Variants in PRIM2 observed in about 807,000 individuals in gnomAD.
PRIM2 encodes DNA primase large subunit.
A neutral mutation model predicts 67.3 loss-of-function variants in PRIM2; 39 were observed. That is an observed-to-expected ratio of 0.58 (90% CI 0.45 to 0.76). The LOEUF is 0.76. Among genes scored for constraint, PRIM2 ranks in the 30% least tolerant of loss-of-function variants. PRIM2 has a pLI of 0.00. For synonymous variants in PRIM2, 143 were observed against 198.7 expected (o/e 0.72, Z 2.36); for missense variants, 398 against 598.7 (o/e 0.66, Z 3.50).
At chr6:57,563,861 A>G (rs1168463910) in intron 10 of PRIM2, among the ~76,000 whole-genome samples, 1 of 152,176 alleles carries the variant, frequency 6.6e-6, no homozygotes, top group Non-Finnish European at 1.5e-5. Context: ...GGGTTTTGCC[A>G]TATTGGTCAA....
At chr6:57,411,996 T>C (rs568586775) in intron 7 of PRIM2, among the ~76,000 whole-genome samples, 2 of 151,454 alleles carry the variant, frequency 1.3e-5, no homozygotes, top group Non-Finnish European at 3.0e-5. Context: ...TATAAGCTGG[T>C]TTAATATTTT....
At chr6:57,636,783 C>T (rs1372804296) in intron 13 of PRIM2, among the ~76,000 whole-genome samples, 29 of 152,314 alleles carry the variant, frequency 1.9e-4, no homozygotes, top group African/African-American at 7.0e-4. Flanking sequence ...ATAAAATCCC[C>T]ATCTCCCTGG....
chr6:57,579,071 A>G (rs1776026273), intron 10 of PRIM2, among the ~76,000 whole-genome samples: 1 of 151,570 alleles, frequency 6.6e-6, no homozygotes, highest in Non-Finnish European at 1.5e-5. Context: ...AATCAACCAC[A>G]TCTCCAAAAA....
the PRIM2 span, among the ~76,000 whole-genome samples, chr6:57,284,972 C>G: frequency 6.6e-6 from 1 of 152,072 alleles, no homozygotes; most frequent in East Asian, 1.9e-4. Flanking sequence ...ATACAAACTA[C>G]CATCAGAGAA....
intron 3 of PRIM2, among the ~76,000 whole-genome samples, chr6:57,321,800 TTATCATCC>T (rs1174904632): frequency 8.5e-5 from 13 of 152,346 alleles, no homozygotes; most frequent in African/African-American, 3.1e-4. Flanking sequence ...GTGGGTATTA[TTATCATCC>T]CTATTTTACA....
chr6:57,308,629 T>C, the PRIM2 span, among the ~76,000 whole-genome samples: 1 of 152,244 alleles, frequency 6.6e-6, no homozygotes, highest in Non-Finnish European at 1.5e-5. Flanking sequence ...GTTGTATCAA[T>C]TAACAGTTTT....
At chr6:57,603,991 A>G (rs1163549243) in intron 11 of PRIM2, among the ~76,000 whole-genome samples, 1 of 152,074 alleles carries the variant, frequency 6.6e-6, no homozygotes, top group Non-Finnish European at 1.5e-5. Flanking sequence ...CAGCTTGAAC[A>G]TTGTTGGTAT....
At chr6:57,307,517 C>T in the PRIM2 span, among the ~76,000 whole-genome samples, 5 of 151,920 alleles carry the variant, frequency 3.3e-5, no homozygotes, top group African/African-American at 9.7e-5. Flanking sequence ...GGATTACAGG[C>T]GTGAGCCACT....
At chr6:57,335,393 T>G (rs1447724352) in intron 5 of PRIM2, among the ~76,000 whole-genome samples, 1 of 152,216 alleles carries the variant, frequency 6.6e-6, no homozygotes. Flanking sequence ...CTCTGTAGGC[T>G]CCACCTCTGG....
intron 7 of PRIM2, among the ~76,000 whole-genome samples, chr6:57,419,277 C>A (rs1771382931): frequency 6.6e-6 from 1 of 151,976 alleles, no homozygotes; most frequent in Admixed American, 6.6e-5. Context: ...GGTGGTTAGA[C>A]TACGGGGAGT....
chr6:57,555,610 T>C (rs1775499764), intron 10 of PRIM2, among the ~76,000 whole-genome samples: 2 of 152,176 alleles, frequency 1.3e-5, no homozygotes, highest in African/African-American at 4.8e-5. Flanking sequence ...ATTTAAGCTT[T>C]AGAAATTCAC....
the PRIM2 span, among the ~76,000 whole-genome samples, chr6:57,225,598 ATTGT>A: frequency 1.3e-5 from 2 of 152,248 alleles, no homozygotes; most frequent in Non-Finnish European, 2.9e-5. Flanking sequence ...TCATTAAATG[ATTGT>A]TTGAATCTAG....
chr6:57,241,619 T>C, the PRIM2 span, among the ~76,000 whole-genome samples: 1 of 150,718 alleles, frequency 6.6e-6, no homozygotes. Flanking sequence ...GAAACAAGAA[T>C]TGGGGGGATG....
chr6:57,472,894 A>G (rs2127402347), intron 7 of PRIM2, among the ~76,000 whole-genome samples: 1 of 152,206 alleles, frequency 6.6e-6, no homozygotes, highest in South Asian at 2.1e-4. Context: ...TTCCTTTCCA[A>G]CCTCTTGGGG....
At chr6:57,497,532 A>T (rs1562776799) in intron 7 of PRIM2, 1 of 152,130 alleles carries the variant, frequency 6.6e-6, no homozygotes. Flanking sequence ...TCTTCATATC[A>T]TCCAGACCCC....
chr6:57,236,623 T>A, the PRIM2 span, among the ~76,000 whole-genome samples: 7 of 151,926 alleles, frequency 4.6e-5, no homozygotes, highest in African/African-American at 1.7e-4. Context: ...TGTCCAGGTG[T>A]TCTCATTGTT....
chr6:57,441,269 AT>A lies in PRIM2; in HGVS notation c.693+59103del, dbSNP rs994160990. 1.1e-4 allele frequency among the ~76,000 whole-genome samples: 16 copies of A among 152,318 alleles called. No homozygotes were observed. In the South Asian group the frequency reaches 2.7e-3, roughly 26 times the overall value. On this transcript the variant is annotated intron_variant, in intron 7 of 13. Coordinates refer to ENST00000615550, the MANE Select transcript of PRIM2 (RefSeq NM_000947.5). ...TAGCTCTCTTGTCTATGACTTGTTC[AT>A]TCTGCCAGACTTAATGGTTCAGACC...
At chr6:57,224,266 TAAAAG>T in the PRIM2 span, among the ~76,000 whole-genome samples, 17 of 152,128 alleles carry the variant, frequency 1.1e-4, no homozygotes, top group East Asian at 3.9e-4. Flanking sequence ...GTCTCAAAAA[TAAAAG>T]AGAGAGAGGG....
At chr6:57,308,935 TTTA>T in the PRIM2 span, among the ~76,000 whole-genome samples, 11 of 149,226 alleles carry the variant, frequency 7.4e-5, no homozygotes, top group East Asian at 1.9e-4. Flanking sequence ...TTTTTGTTTG[TTTA>T]TTTTTTTTTT....
Sources: gnomAD v4.1 joint callset for allele counts (sites outside exome capture counted in the v4.1 genomes callset) on GRCh38, gnomAD v4.1.1 for gene constraint, MANE v1.5 for transcripts, NCBI Gene and HGNC (gene_info 2026-07-23, HGNC 2026-07-21) for gene names.